LRP1B: variants seen among roughly 807,000 people sequenced by gnomAD.
LRP1B encodes low-density lipoprotein receptor-related protein 1B.
LRP1B carries 217 observed loss-of-function variants against 556.6 expected under a neutral mutation model. The ratio of observed to expected loss-of-function variants is 0.39; its 90% confidence interval spans 0.35 to 0.44. The LOEUF (loss-of-function observed/expected upper bound fraction) is 0.44, where lower values mean the gene tolerates loss of function less well. Ranked by LOEUF, LRP1B falls within the 20% of genes least tolerant of loss-of-function variation. The pLI, the probability that LRP1B is intolerant of heterozygous loss-of-function variation, is 1.00. For missense variants in LRP1B, 5,053 were observed against 5,620.8 expected, an observed-to-expected ratio of 0.90 and a Z score of 3.23; for synonymous variants, 2,047 against 1,865.8, an observed-to-expected ratio of 1.10 and a Z score of -2.50.
At chr2:140,712,617 C>T (rs1687073059) in intron 37 of LRP1B, among the ~76,000 whole-genome samples, 1 of 151,968 alleles carries the variant, frequency 6.6e-6, no homozygotes, top group Non-Finnish European at 1.5e-5. Flanking sequence ...TTATACTCTA[C>T]AATCTTCTCA....
chr2:141,374,814 T>A (rs1175006198), intron 3 of LRP1B, among the ~76,000 whole-genome samples: 3 of 152,210 alleles, frequency 2.0e-5, no homozygotes. Flanking sequence ...TTTTCTTATA[T>A]CACATTGAGC....
At chr2:140,996,117 C>T (rs544930532) in intron 15 of LRP1B, among the ~76,000 whole-genome samples, 1 of 152,022 alleles carries the variant, frequency 6.6e-6, no homozygotes, top group East Asian at 1.9e-4. Context: ...TGCTAGCTTG[C>T]AATCAGGGTA....
At position 140,535,028 on chromosome 2, in the gene LRP1B, G is replaced by C. The variant is rs143291452; in HGVS notation, c.7643-888C>G. Among the ~76,000 whole-genome samples the C allele has an allele frequency of 2.9e-3, 443 of 152,252 alleles. 3 individuals are homozygous for C. Among genetic ancestry groups the C allele is most frequent in the African/African-American group, 0.01 (424 of 41,542 alleles). ...GGCATTGGCAAACTATTGCCCATAG[G>C]CCAGATCTAGCCTGTGAGACTGTTT... is the stretch of plus-strand genomic sequence containing the variant. On this transcript the variant is annotated intron_variant, in intron 46 of 90. Transcript: ENST00000389484.
At chr2:140,854,485 T>G (rs1029594421) in intron 27 of LRP1B, among the ~76,000 whole-genome samples, 1 of 152,184 alleles carries the variant, frequency 6.6e-6, no homozygotes, top group Non-Finnish European at 1.5e-5. Context: ...CTTCTCACTT[T>G]CAAGGATTTA....
intron 86 of LRP1B, among the ~76,000 whole-genome samples, chr2:140,265,834 G>T (rs960706779): frequency 2.0e-5 from 3 of 151,782 alleles, no homozygotes; most frequent in Non-Finnish European, 2.9e-5. Context: ...ATATTCTGAG[G>T]GTTTCATGTT....
intron 1 of LRP1B, among the ~76,000 whole-genome samples, chr2:142,073,896 A>C (rs1705408452): frequency 6.6e-6 from 1 of 151,692 alleles, no homozygotes; most frequent in Admixed American, 6.6e-5. Flanking sequence ...CATGATTGAA[A>C]ATTTCCTGAA....
intron 7 of LRP1B, among the ~76,000 whole-genome samples, chr2:141,067,285 TA>T (rs1699504900): frequency 6.6e-6 from 1 of 152,038 alleles, no homozygotes; most frequent in South Asian, 2.1e-4. Context: ...ATAAAAGGTT[TA>T]AATTCAAATT....
intron 43 of LRP1B, among the ~76,000 whole-genome samples, chr2:140,572,665 T>G (rs945053778): frequency 1.3e-5 from 2 of 151,738 alleles, no homozygotes; most frequent in Non-Finnish European, 3.0e-5. Flanking sequence ...GTCAAAAAGA[T>G]ATCTGCATTC....
intron 2 of LRP1B, among the ~76,000 whole-genome samples, chr2:141,673,544 G>A (rs937081438): frequency 7.9e-5 from 12 of 152,046 alleles, no homozygotes; most frequent in African/African-American, 2.9e-4. Flanking sequence ...CTTAAAATGT[G>A]CTGTCCAAAG....
chr2:141,745,773 A>G (rs1484190259), intron 2 of LRP1B, among the ~76,000 whole-genome samples: 1 of 151,984 alleles, frequency 6.6e-6, no homozygotes, highest in East Asian at 1.9e-4. Context: ...TAGCCACCAC[A>G]GCTGGCAATA....
At chr2:141,928,292 G>T (rs1700391036) in intron 1 of LRP1B, among the ~76,000 whole-genome samples, 1 of 152,126 alleles carries the variant, frequency 6.6e-6, no homozygotes, top group Non-Finnish European at 1.5e-5. Flanking sequence ...CATTTTAATA[G>T]AGAGGTTTTT....
chr2:141,990,482 G>T (rs1702312403), intron 1 of LRP1B, among the ~76,000 whole-genome samples: 1 of 151,866 alleles, frequency 6.6e-6, no homozygotes, highest in Admixed American at 6.6e-5. Context: ...TGTCTCTAAA[G>T]TTTTTATTTT....
At position 140,716,806 on chromosome 2, in the gene LRP1B, G is replaced by A. The variant is rs1687227341; in HGVS notation, c.5769C>T (p.Thr1923=). The change falls in exon 36 of 91, where the codon ACC becomes ACT. Residue 1923 remains threonine, a synonymous_variant. Coordinates refer to ENST00000389484, the MANE Select transcript of LRP1B (RefSeq NM_018557.3). ...TGAAGCCCATGTCTGTCCAGTAGAT[G>A]GTATCATTTTCTATGGATAAGACAC... ...VGIDFHAEND[T]IYWTDMGFNK... The A allele has an allele frequency of 1.3e-6, 2 of 1,592,664 alleles. No individual in the cohort carries two copies. Among genetic ancestry groups the A allele is most frequent in the Admixed American group, 1.7e-5 (1 of 58,444 alleles).
intron 44 of LRP1B, 81 bp downstream of exon 44, chr2:140,541,698 A>G: frequency 1.9e-6 from 2 of 1,079,294 alleles, no homozygotes; most frequent in Non-Finnish European, 2.6e-6. Flanking sequence ...AAATCCAACT[A>G]TTACTAGAAA....
At chr2:140,993,223 A>C (rs1404588439) in intron 16 of LRP1B, among the ~76,000 whole-genome samples, 1 of 152,136 alleles carries the variant, frequency 6.6e-6, no homozygotes, top group African/African-American at 2.4e-5. Flanking sequence ...TTCTTAGGTC[A>C]GATAAAAAGA....
At chr2:141,848,724 G>T (rs1024040611) in intron 1 of LRP1B, among the ~76,000 whole-genome samples, 1 of 151,368 alleles carries the variant, frequency 6.6e-6, no homozygotes, top group Non-Finnish European at 1.5e-5. Flanking sequence ...TATATGAAAA[G>T]AATTTTCAGT....
At chr2:141,466,450 T>C (rs1021270665) in intron 3 of LRP1B, among the ~76,000 whole-genome samples, 2 of 152,198 alleles carry the variant, frequency 1.3e-5, no homozygotes, top group Non-Finnish European at 2.9e-5. Flanking sequence ...CAAATCTGAT[T>C]TTATTGAAGC....
rs1457305686 is a variant in LRP1B, at chr2:141,810,260, T to TG, written c.205+18dup. The TG allele has an allele frequency of 3.1e-6, 5 of 1,611,918 alleles. No homozygotes were observed. The African/African-American group carries it at 4.0e-5, about 13-fold the overall frequency. Reference sequence around the variant, plus strand: ...ACATGTAAGGTAAATCCGAATGGCATGAGAACCTTTCTACTCACAGGTATC... The same window carrying TG: ...ACATGTAAGGTAAATCCGAATGGCATGGAGAACCTTTCTACTCACAGGTATC... On this transcript the variant is annotated intron_variant, in intron 2 of 90. Transcript: ENST00000389484.
At chr2:140,238,051 A>C (rs1033475592) in intron 89 of LRP1B, 101 bp downstream of exon 89, 2 of 1,050,646 alleles carry the variant, frequency 1.9e-6, no homozygotes, top group Non-Finnish European at 1.4e-6. Flanking sequence ...CCTTATTCTA[A>C]CTTCAGATAA....
Sources: allele counts gnomAD v4.1 joint callset (sites outside exome capture counted in the v4.1 genomes callset), GRCh38; gene constraint gnomAD v4.1.1; transcripts MANE v1.5; gene names NCBI Gene and HGNC (gene_info 2026-07-23, HGNC 2026-07-21).